CACNA2D3: variants seen among roughly 807,000 people sequenced by gnomAD.
CACNA2D3 encodes voltage-dependent calcium channel subunit alpha-2/delta-3.
A neutral mutation model predicts 160.6 loss-of-function variants in CACNA2D3; 60 were observed. The observed-to-expected ratio is 0.37, with a 90% CI of 0.30 to 0.46. The LOEUF is 0.46. Ranked by LOEUF, CACNA2D3 falls within the 20% of genes least tolerant of loss-of-function variation. The pLI is 1.00. For missense variants in CACNA2D3, 1,205 were observed against 1,365.0 expected, an observed-to-expected ratio of 0.88 and a Z score of 1.85; for synonymous variants, 558 against 492.9, an observed-to-expected ratio of 1.13 and a Z score of -1.75.
At chr3:54,561,322 A>T (rs1167297783) in intron 5 of CACNA2D3, among the ~76,000 whole-genome samples, 1 of 152,052 alleles carries the variant, frequency 6.6e-6, no homozygotes, top group Non-Finnish European at 1.5e-5. Context: ...TAGGTACTTT[A>T]TTCTTTTTGT....
chr3:54,249,427 C>T (rs1702139114), intron 2 of CACNA2D3, among the ~76,000 whole-genome samples: 1 of 152,018 alleles, frequency 6.6e-6, no homozygotes, highest in Non-Finnish European at 1.5e-5. Flanking sequence ...AGGACTTCTC[C>T]AGCAGACTGT....
chr3:54,830,120 T>G (rs929925065), intron 14 of CACNA2D3, among the ~76,000 whole-genome samples: 4 of 151,952 alleles, frequency 2.6e-5, no homozygotes, highest in African/African-American at 9.7e-5. Context: ...ATTTTTTGTA[T>G]TTTTAGTAGA....
chr3:54,960,891 G>A (rs554528233), intron 27 of CACNA2D3, among the ~76,000 whole-genome samples: 1 of 152,190 alleles, frequency 6.6e-6, no homozygotes, highest in African/African-American at 2.4e-5. Flanking sequence ...CATTTATCTT[G>A]GACACCAACA....
At chr3:54,774,002 C>T (rs1303600149) in intron 13 of CACNA2D3, among the ~76,000 whole-genome samples, 7 of 152,162 alleles carry the variant, frequency 4.6e-5, no homozygotes, top group Non-Finnish European at 8.8e-5. Context: ...AGCCTCTATC[C>T]TCTGCCATAC....
intron 3 of CACNA2D3, among the ~76,000 whole-genome samples, chr3:54,374,897 C>A (rs185950429): frequency 1.1e-4 from 16 of 151,444 alleles, no homozygotes; most frequent in Admixed American, 9.2e-4. Flanking sequence ...CATCAATAAT[C>A]AATAATATTT....
At chr3:54,973,546 G>A (rs1702321022) in intron 29 of CACNA2D3, among the ~76,000 whole-genome samples, 1 of 152,126 alleles carries the variant, frequency 6.6e-6, no homozygotes, top group Admixed American at 6.5e-5. Context: ...ACTTTTCTAA[G>A]GCTTGTAGGC....
Position 54,230,472 on chromosome 3 carries a change from T to C in CACNA2D3, c.205-89970T>C, listed in dbSNP as rs182390424. Reference sequence around the variant, plus strand: ...TAATTTCTGAAAAGGCATAATAATTTCTGTAGATAATTTCGAAGAGAATAA... The same window carrying C: ...TAATTTCTGAAAAGGCATAATAATTCCTGTAGATAATTTCGAAGAGAATAA... On this transcript the variant is annotated intron_variant, in intron 2 of 37. Transcript: ENST00000474759. Among the ~76,000 whole-genome samples the C allele has an allele frequency of 9.8e-5, 15 of 152,318 alleles. No homozygotes were observed. The East Asian group carries it at 2.1e-3, about 22-fold the overall frequency.
intron 27 of CACNA2D3, among the ~76,000 whole-genome samples, chr3:54,952,246 C>T (rs759702594): frequency 1.3e-5 from 2 of 152,202 alleles, no homozygotes; most frequent in Admixed American, 6.5e-5. Context: ...GTTGGCCTTG[C>T]ACTCTGCAGC....
chr3:54,767,253 C>T lies in CACNA2D3; in HGVS notation c.1380+2902C>T, dbSNP rs139628671. On this transcript the variant is annotated intron_variant, in intron 13 of 37. Transcript: ENST00000474759. ...AATATTTCAAGTGAATAAAAAATTT[C>T]TCAGAAAGGGAGGAAAAAAACTTTA... 5.4e-3 allele frequency among the ~76,000 whole-genome samples: 814 copies of T among 152,118 alleles called. 1 individual carries two copies. The highest frequency in any genetic ancestry group is 9.0e-3 in the Admixed American group (138 of 15,278).
chr3:54,126,201 G>A (rs114542121), intron 2 of CACNA2D3, among the ~76,000 whole-genome samples: 1,657 of 152,274 alleles, frequency 0.011, 30 homozygotes, highest in African/African-American at 0.037. Flanking sequence ...TAGAATGGAA[G>A]TTTAGTCATT....
intron 5 of CACNA2D3, among the ~76,000 whole-genome samples, chr3:54,509,994 AT>A (rs1194923143): frequency 1.3e-5 from 2 of 152,136 alleles, no homozygotes; most frequent in Admixed American, 1.3e-4. Flanking sequence ...GGAAGGTGTG[AT>A]TTGGCCCTTT....
chr3:54,265,558 A>G (rs867652464), intron 2 of CACNA2D3, among the ~76,000 whole-genome samples: 51 of 73,194 alleles, frequency 7.0e-4, no homozygotes, highest in African/African-American at 2.2e-3. Flanking sequence ...GTGTGTGTGT[A>G]TAGTGTGTAT....
chr3:54,206,496 C>G (rs531959569), intron 2 of CACNA2D3, among the ~76,000 whole-genome samples: 3 of 152,274 alleles, frequency 2.0e-5, no homozygotes, highest in East Asian at 3.9e-4. Flanking sequence ...TAATGGTTCT[C>G]TCCCTCACAC....
chr3:54,808,648 A>G (rs1028961369), intron 13 of CACNA2D3, among the ~76,000 whole-genome samples: 3 of 152,156 alleles, frequency 2.0e-5, no homozygotes, highest in Non-Finnish European at 4.4e-5. Flanking sequence ...ACACTGAAGG[A>G]AAGGGGTTAG....
chr3:54,993,854 CTTTT>C (rs60130693), intron 31 of CACNA2D3, among the ~76,000 whole-genome samples: 3 of 114,616 alleles, frequency 2.6e-5, no homozygotes, highest in African/African-American at 3.3e-5. Context: ...CTCTCTCTCT[CTTTT>C]TTTTTTTTTT....
chr3:55,012,525 G>C (rs1703232034), intron 34 of CACNA2D3, among the ~76,000 whole-genome samples: 1 of 152,042 alleles, frequency 6.6e-6, no homozygotes, highest in African/African-American at 2.4e-5. Flanking sequence ...TAGTCATACT[G>C]TTATTTTGGT....
intron 4 of CACNA2D3, among the ~76,000 whole-genome samples, chr3:54,405,268 G>T (rs1231569966): frequency 6.4e-4 from 52 of 81,606 alleles, no homozygotes; most frequent in South Asian, 8.0e-4. Context: ...ATACTACTCA[G>T]TAAAAAAAAA....
intron 3 of CACNA2D3, among the ~76,000 whole-genome samples, chr3:54,356,715 A>G (rs1466284997): frequency 6.6e-6 from 1 of 152,202 alleles, no homozygotes; most frequent in Non-Finnish European, 1.5e-5. Flanking sequence ...AATTTTTGTC[A>G]GTGCAGTTTA....
At chr3:54,742,264 C>G (rs1226781731) in intron 11 of CACNA2D3, among the ~76,000 whole-genome samples, 1 of 151,644 alleles carries the variant, frequency 6.6e-6, no homozygotes, top group African/African-American at 2.4e-5. Context: ...ACTAAAAATA[C>G]AAAAATTAGC....
Sources: allele counts gnomAD v4.1 joint callset (sites outside exome capture counted in the v4.1 genomes callset), GRCh38; gene constraint gnomAD v4.1.1; transcripts MANE v1.5; gene names NCBI Gene and HGNC (gene_info 2026-07-23, HGNC 2026-07-21).